Variants in TSPAN7 observed in about 807,000 individuals in gnomAD.
The protein encoded by TSPAN7 is tetraspanin 7.
Under a neutral mutation model 17.6 loss-of-function variants are expected in TSPAN7, and 1 was observed. The observed-to-expected ratio is 0.06, with a 90% CI of 0.02 to 0.27. The LOEUF (loss-of-function observed/expected upper bound fraction) is 0.27, where lower values mean the gene tolerates loss of function less well. Ranked by LOEUF, TSPAN7 falls within the 10% of genes least tolerant of loss-of-function variation. The pLI is 1.00. For missense variants in TSPAN7, 112 were observed against 201.7 expected (o/e 0.56, Z 2.69); for synonymous variants, 78 against 79.0 (o/e 0.99, Z 0.07).
At chrX:38,564,709 A>G (rs1223088326) in intron 1 of TSPAN7, among the ~76,000 whole-genome samples, 1 of 112,198 alleles carries the variant, frequency 8.9e-6, no homozygotes, top group African/African-American at 3.2e-5. Flanking sequence ...TTCTGGTATG[A>G]ATTTCCCTGA....
At chrX:38,589,055 A>G (rs2069275411) in intron 1 of TSPAN7, among the ~76,000 whole-genome samples, 1 of 111,841 alleles carries the variant, frequency 8.9e-6, no homozygotes, top group Non-Finnish European at 1.9e-5. Context: ...ATTTCACCCC[A>G]GGTCGCAGCC....
rs1054268961 is a variant in TSPAN7 at position 38,566,390 on chromosome X, A to G, written c.81+4763A>G. On this transcript the variant is annotated intron_variant, in intron 1 of 7. Transcript: ENST00000378482. ...CCTGTGCTTTAAAGACTAGCAAACA[A>G]TGTCAGGCTTATAGTAGGTTTACTC... The G allele has an allele frequency of 5.5e-6, 5 of 904,167 alleles. No individual in the cohort carries two copies. In the African/African-American group the frequency reaches 1.0e-4, roughly 19 times the overall value. The allele number at this position is 904,167 out of a possible 1,213,427, so 74.5% of individuals were successfully genotyped here.
chrX:38,668,016 G>A (rs2069794033), intron 2 of TSPAN7, among the ~76,000 whole-genome samples: 1 of 112,090 alleles, frequency 8.9e-6, no homozygotes, highest in African/African-American at 3.2e-5. Context: ...TTAGCACAAT[G>A]AGTAGCAAGG....
chrX:38,680,149 G>A (rs2069879912), intron 5 of TSPAN7, among the ~76,000 whole-genome samples: 2 of 111,473 alleles, frequency 1.8e-5, no homozygotes, highest in Non-Finnish European at 3.8e-5. Context: ...ATGTCTCAAA[G>A]CACTACTGGT....
intron 1 of TSPAN7, among the ~76,000 whole-genome samples, chrX:38,630,107 A>C (rs1215212864): frequency 9.0e-6 from 1 of 111,693 alleles, no homozygotes; most frequent in Non-Finnish European, 1.9e-5. Flanking sequence ...GATAACTTAA[A>C]TTTCCCCATT....
chrX:38,582,395 C>G (rs2069232383), intron 1 of TSPAN7, among the ~76,000 whole-genome samples: 1 of 112,133 alleles, frequency 8.9e-6, no homozygotes, highest in Admixed American at 9.4e-5. Flanking sequence ...TCTATTACTA[C>G]CATCACACCA....
intron 1 of TSPAN7, among the ~76,000 whole-genome samples, chrX:38,646,680 C>T (rs1233353127): frequency 8.9e-6 from 1 of 112,266 alleles, no homozygotes; most frequent in Non-Finnish European, 1.9e-5. Flanking sequence ...TAATTATATG[C>T]ATTCATGTGG....
intron 1 of TSPAN7, among the ~76,000 whole-genome samples, chrX:38,632,477 T>A (rs1365340786): frequency 8.9e-6 from 1 of 112,494 alleles, no homozygotes; most frequent in Non-Finnish European, 1.9e-5. Flanking sequence ...CAGAGTTAAT[T>A]TCAGCTACTA....
intron 1 of TSPAN7, among the ~76,000 whole-genome samples, chrX:38,658,091 A>G (rs2069714742): frequency 1.3e-5 from 1 of 79,782 alleles, no homozygotes; most frequent in East Asian, 4.6e-4. Context: ...ATGTAATCTC[A>G]GTGGGCTGTA....
intron 1 of TSPAN7, among the ~76,000 whole-genome samples, chrX:38,607,113 A>C (rs1455024919): frequency 9.0e-6 from 1 of 111,584 alleles, no homozygotes; most frequent in Admixed American, 9.5e-5. Context: ...GTTAGATATG[A>C]TTTGCATGCA....
intron 2 of TSPAN7, among the ~76,000 whole-genome samples, chrX:38,666,830 G>A (rs978690642): frequency 5.4e-5 from 6 of 110,917 alleles, no homozygotes; most frequent in Admixed American, 4.8e-4. Flanking sequence ...TTGATCTCCT[G>A]ACCTCGTGAT....
chrX:38,665,964 T>G (rs1361842381), intron 1 of TSPAN7, 157 bp from the exon 2 acceptor site: 4 of 494,424 alleles, frequency 8.1e-6, no homozygotes, highest in African/African-American at 2.4e-5. Context: ...ATGATGATTT[T>G]AGTTAACACT....
intron 1 of TSPAN7, chrX:38,570,810 T>C (rs1457278175): frequency 8.9e-6 from 1 of 111,953 alleles, no homozygotes; most frequent in African/African-American, 3.2e-5. Context: ...CATGACAGAA[T>C]GATTTTCATT....
chrX:38,588,790 T>G (rs1363216943), intron 1 of TSPAN7, among the ~76,000 whole-genome samples: 2 of 112,059 alleles, frequency 1.8e-5, no homozygotes, highest in Non-Finnish European at 3.8e-5. Context: ...GCTATTTTTA[T>G]GTACTGGCAG....
At position 38,572,953 on chromosome X, in the gene TSPAN7, C is replaced by T. The variant is rs774649216; in HGVS notation, c.81+11326C>T. The stretch of plus-strand genomic sequence containing the variant: ...ACTTAATGTGAAGTCTCGGCTAGTA[C>T]CTTTGCTGTGTGACCTTAGGCAAAT... On this transcript the variant is annotated intron_variant, in intron 1 of 7. Transcript: ENST00000378482. 9.9e-5 allele frequency among the ~76,000 whole-genome samples: 11 copies of T among 111,585 alleles called. No homozygotes were observed. The East Asian group carries it at 2.8e-3, about 28-fold the overall frequency.
At chrX:38,611,818 C>T (rs759469882) in intron 1 of TSPAN7, among the ~76,000 whole-genome samples, 4 of 111,477 alleles carry the variant, frequency 3.6e-5, no homozygotes, top group South Asian at 3.8e-4. Context: ...AAAATTCTAA[C>T]GGGCCCACAC....
chrX:38,660,141 T>A (rs2069735734), intron 1 of TSPAN7, among the ~76,000 whole-genome samples: 1 of 111,230 alleles, frequency 9.0e-6, no homozygotes, highest in African/African-American at 3.3e-5. Flanking sequence ...CCCCAGCTAA[T>A]GTTCTTTTAA....
chrX:38,568,947 C>G (rs1028066585), intron 1 of TSPAN7, among the ~76,000 whole-genome samples: 5 of 110,967 alleles, frequency 4.5e-5, no homozygotes, highest in Non-Finnish European at 1.9e-5. Flanking sequence ...TTTTTTCTAG[C>G]ATCCTGTTTT....
chrX:38,591,311 A>C (rs1159272395), intron 1 of TSPAN7, among the ~76,000 whole-genome samples: 1 of 110,808 alleles, frequency 9.0e-6, no homozygotes, highest in Non-Finnish European at 1.9e-5. Context: ...GAAGTGTATT[A>C]TTTCATTTTC....
Sources: gnomAD v4.1 joint callset for allele counts (sites outside exome capture counted in the v4.1 genomes callset) on GRCh38, gnomAD v4.1.1 for gene constraint, MANE v1.5 for transcripts, NCBI Gene and HGNC (gene_info 2026-07-23, HGNC 2026-07-21) for gene names.